Variants in PIK3CD observed in about 807,000 individuals in gnomAD.
The protein encoded by PIK3CD is phosphatidylinositol-4,5-bisphosphate 3-kinase catalytic subunit delta.
PIK3CD carries 20 observed loss-of-function variants against 122.9 expected under a neutral mutation model. The ratio of observed to expected loss-of-function variants is 0.16; its 90% CI spans 0.11 to 0.24. The LOEUF is 0.24. Among genes scored for constraint, PIK3CD ranks in the 10% least tolerant of loss-of-function variants. The pLI is 1.00. For synonymous variants in PIK3CD, 596 were observed against 593.4 expected (o/e 1.00, Z -0.06); for missense variants, 787 against 1,406.3 (o/e 0.56, Z 7.04).
rs375541576 is a variant in PIK3CD, at chr1:9,721,407, G to A, written c.1812-37G>A. 1.1e-5 allele frequency: 17 copies of A among 1,611,644 alleles called. No individual in the cohort carries two copies. The African/African-American group carries it at 1.2e-4, about 11-fold the overall frequency. On this transcript the variant is annotated intron_variant, in intron 14 of 23. Coordinates refer to ENST00000377346, the MANE Select transcript of PIK3CD (RefSeq NM_005026.5). The stretch of plus-strand genomic sequence containing the variant: ...AGGGAGCTCCCTCCTGTCCTGAGTC[G>A]GGGAGCTCCAGGCCCCAGCGCCTTC...
intron 1 of PIK3CD, among the ~76,000 whole-genome samples, chr1:9,666,089 G>T (rs932598400): frequency 6.6e-6 from 1 of 151,684 alleles, no homozygotes; most frequent in African/African-American, 2.4e-5. Context: ...ATCATACCCT[G>T]CTAATTTTTT....
chr1:9,726,869 G>C (rs377350839), intron 23 of PIK3CD, 40 bp from the exon 24 acceptor site: 1 of 1,612,978 alleles, frequency 6.2e-7, no homozygotes, highest in African/African-American at 1.3e-5. Context: ...AGCAAGGTCC[G>C]GGCCCCCTTA....
chr1:9,715,581 T>G lies in PIK3CD; in HGVS notation c.182T>G (p.Met61Arg). ...GCCCAGTATGAGCCGCTCTTCCACA[T>G]GCTCAGTGGCCCCGAGGCCTATGTG... ...HRAQYEPLFH[M>R]LSGPEAYVFT... The change falls in exon 4 of 24, where the codon ATG (methionine) becomes AGG (arginine). Residue 61 changes from methionine (M) to arginine (R), a missense_variant. By Grantham distance (91) the Met-to-Arg change is moderately conservative. Transcript: ENST00000377346. The surrounding 1 kb of genome is among the most constrained non-coding windows in gnomAD (Gnocchi z 4.1). 2 of 1,613,752 alleles carry G rather than the reference T, an allele frequency of 1.2e-6. No homozygotes were observed. The highest frequency in any genetic ancestry group is 1.7e-6 in the Non-Finnish European group (2 of 1,180,028).
At chr1:9,657,084 G>A (rs567804091) in intron 1 of PIK3CD, among the ~76,000 whole-genome samples, 54 of 152,212 alleles carry the variant, frequency 3.5e-4, no homozygotes, top group South Asian at 1.9e-3. Flanking sequence ...GGGCTCCAGC[G>A]TATCTTGGCC....
intron 1 of PIK3CD, among the ~76,000 whole-genome samples, chr1:9,663,074 G>A (rs1411008944): frequency 1.3e-5 from 2 of 152,154 alleles, no homozygotes; most frequent in Non-Finnish European, 2.9e-5. Flanking sequence ...GCTGTACAGC[G>A]TGTTCTGTGG....
At chr1:9,645,977 G>A in the PIK3CD span, among the ~76,000 whole-genome samples, 1 of 150,974 alleles carries the variant, frequency 6.6e-6, no homozygotes, top group Non-Finnish European at 1.5e-5. Flanking sequence ...TTGTCACGTT[G>A]GCCAGGCTGG....
chr1:9,654,340 G>A (rs1644774571), intron 1 of PIK3CD: 4 of 1,367,728 alleles, frequency 2.9e-6, no homozygotes, highest in Non-Finnish European at 3.9e-6. Flanking sequence ...TGTGGGCTCC[G>A]TTTCTCCTCC....
Position 9,703,133 on chromosome 1 carries a change from T to G in PIK3CD, c.-32-7291T>G, listed in dbSNP as rs1294118725. ...GCAAACAGTTGCTAGCAGCTCTAGG[T>G]AGACAGTCTGTCGTTTCTGCTACCC... On this transcript the variant is annotated intron_variant, in intron 2 of 23. Coordinates refer to ENST00000377346, the MANE Select transcript of PIK3CD (RefSeq NM_005026.5). 5.3e-5 allele frequency among the ~76,000 whole-genome samples: 8 copies of G among 152,290 alleles called. No individual in the cohort carries two copies. The South Asian group carries it at 1.2e-3, about 24-fold the overall frequency.
chr1:9,688,146 C>G (rs919843335), intron 1 of PIK3CD: 1 of 152,210 alleles, frequency 6.6e-6, no homozygotes, highest in Admixed American at 6.5e-5. Context: ...AGGAAGGCTC[C>G]TGGAGCTCAT....
intron 2 of PIK3CD, among the ~76,000 whole-genome samples, chr1:9,695,764 C>T (rs1362772035): frequency 6.6e-6 from 1 of 151,520 alleles, no homozygotes; most frequent in Non-Finnish European, 1.5e-5. Flanking sequence ...ATCGCTTGAA[C>T]CCGGGAGGCG....
At chr1:9,636,904 CT>C in the PIK3CD span, among the ~76,000 whole-genome samples, 4,918 of 146,630 alleles carry the variant, frequency 0.034, 221 homozygotes, top group South Asian at 0.091. Context: ...TCTTTTCTTT[CT>C]TTTTTTTTTT....
intron 2 of PIK3CD, among the ~76,000 whole-genome samples, chr1:9,695,978 T>C (rs570135362): frequency 6.6e-6 from 1 of 151,258 alleles, no homozygotes; most frequent in Admixed American, 6.6e-5. Flanking sequence ...TTAAAGACTT[T>C]TTTTTTTTTT....
At chr1:9,629,948 T>C in the PIK3CD span, among the ~76,000 whole-genome samples, 3 of 152,172 alleles carry the variant, frequency 2.0e-5, no homozygotes, top group Non-Finnish European at 4.4e-5. Flanking sequence ...GGCGGAGGCC[T>C]GCCTGGGAAG....
chr1:9,631,613 G>T, the PIK3CD span, among the ~76,000 whole-genome samples: 1 of 152,286 alleles, frequency 6.6e-6, no homozygotes, highest in African/African-American at 2.4e-5. Flanking sequence ...CTGAGATGGC[G>T]CCACTGCACT....
rs1226522651 is a variant in PIK3CD at position 9,651,797 on chromosome 1, G to C, written c.-143G>C. 1 of 152,088 alleles carries C rather than the reference G, an allele frequency of 6.6e-6. No individual in the cohort carries two copies. The highest frequency in any genetic ancestry group is 1.5e-5 in the Non-Finnish European group (1 of 68,016). The allele number at this position is 152,088 out of a possible 1,614,324, so 9.4% of individuals were successfully genotyped here. A position where few individuals can be genotyped will look rare whatever the true frequency, so the allele number is the denominator to read the frequency against. On this transcript the variant is annotated 5_prime_UTR_variant, in exon 1 of 24. Coordinates refer to ENST00000377346, the MANE Select transcript of PIK3CD (RefSeq NM_005026.5). ...GCCGCCCAGCCCTGCCAGCTGCGCCGGGACGGTAAGCGATCGCCGCTGGCT... is the reference window on the plus strand; with the variant it reads ...GCCGCCCAGCCCTGCCAGCTGCGCCCGGACGGTAAGCGATCGCCGCTGGCT...
At position 9,724,187 on chromosome 1, in the gene PIK3CD, TC is replaced by T; in HGVS notation, c.2719-84del. On this transcript the variant is annotated intron_variant, in intron 21 of 23. Transcript: ENST00000377346. This position sits in a 1 kb window ranked among gnomAD's most constrained non-coding sequence, Gnocchi z 7.3. ...CTAGCACACAGCTCTGTGGCAGGGG[TC>T]CCCCAGCCCTGCTGGCTTCCTGTCT... The T allele has an allele frequency of 1.2e-6, 2 of 1,610,968 alleles. No individual in the cohort carries two copies. Among genetic ancestry groups the T allele is most frequent in the Non-Finnish European group, 1.7e-6 (2 of 1,178,882 alleles).
At chr1:9,702,203 C>A (rs1414914886) in intron 2 of PIK3CD, among the ~76,000 whole-genome samples, 1 of 151,910 alleles carries the variant, frequency 6.6e-6, no homozygotes, top group Non-Finnish European at 1.5e-5. Flanking sequence ...CCATGTTGGC[C>A]AGGCTGGACT....
At chr1:9,658,174 G>A (rs1475652183) in intron 1 of PIK3CD, among the ~76,000 whole-genome samples, 2 of 152,058 alleles carry the variant, frequency 1.3e-5, no homozygotes, top group East Asian at 3.9e-4. Flanking sequence ...CTTGAGCCCA[G>A]GAGTTTGAGA....
the PIK3CD span, among the ~76,000 whole-genome samples, chr1:9,628,259 G>A: frequency 1.3e-5 from 2 of 152,228 alleles, no homozygotes; most frequent in South Asian, 2.1e-4. Context: ...CCAAGATTGT[G>A]CCACTGCGCT....
Sources: allele counts gnomAD v4.1 joint callset (sites outside exome capture counted in the v4.1 genomes callset), GRCh38; gene constraint gnomAD v4.1.1; non-coding constraint Gnocchi (gnomAD v3.1); transcripts MANE v1.5; gene names NCBI Gene and HGNC (gene_info 2026-07-23, HGNC 2026-07-21).